The following SLC36A2 variants were observed in gnomAD, a reference collection of about 807,000 sequenced individuals.
SLC36A2 encodes the protein solute carrier family 36 member 2.
In SLC36A2, 39 loss-of-function variants were observed where a neutral mutation model predicts 42.7. That is an observed-to-expected ratio of 0.91 (90% CI 0.71 to 1.19). The LOEUF (loss-of-function observed/expected upper bound fraction) is 1.19. SLC36A2 is among the 50% of genes most tolerant of loss of function. The pLI, the probability that SLC36A2 is intolerant of heterozygous loss-of-function variation, is 0.00. For synonymous variants in SLC36A2, 237 were observed against 240.8 expected, an observed-to-expected ratio of 0.98 and a Z score of 0.15; for missense variants, 590 against 613.7, an observed-to-expected ratio of 0.96 and a Z score of 0.41.
In SLC36A2 at chr5:151,316,998, G is replaced by A. The variant is rs370237268; in HGVS notation, c.1271C>T (p.Pro424Leu). 336 of 1,614,062 alleles carry A rather than the reference G, an allele frequency of 2.1e-4. No homozygotes were observed. The highest frequency in any genetic ancestry group is 9.6e-4 in the East Asian group (43 of 44,848). The stretch of plus-strand genomic sequence containing the variant: ...GTAGAACGTGGTGACCTCCAGGAGC[G>A]GTGGGATGATGAGGGCCAGGGCGGT... ...SGTALALIIP[P>L]LLEVTTFYSE... Residue 424 changes from proline to leucine, a missense_variant, in exon 10 of 10, where the codon CCG (proline) becomes CTG (leucine). Pro to Leu is a moderately conservative substitution (Grantham distance 98, BLOSUM62 -3). Transcript: ENST00000335244.
At chr5:151,336,125 A>G (rs747943974) in intron 5 of SLC36A2, among the ~76,000 whole-genome samples, 1 of 152,172 alleles carries the variant, frequency 6.6e-6, no homozygotes, top group East Asian at 1.9e-4. Flanking sequence ...CCTGATACCA[A>G]TTTGATTTTG....
intron 6 of SLC36A2, among the ~76,000 whole-genome samples, chr5:151,334,459 G>A (rs1460918991): frequency 6.6e-6 from 1 of 151,992 alleles, no homozygotes; most frequent in Non-Finnish European, 1.5e-5. Context: ...GGGGGGCCAA[G>A]GCGGGGGGAT....
intron 6 of SLC36A2, among the ~76,000 whole-genome samples, chr5:151,334,110 CAG>C (rs1756078832): frequency 2.0e-5 from 3 of 152,114 alleles, no homozygotes; most frequent in Admixed American, 2.0e-4. Flanking sequence ...AAAATGATGA[CAG>C]AGCCATTTTT....
chr5:151,335,461 G>T lies in SLC36A2; in HGVS notation c.612C>A (p.Tyr204Ter). 1 of 1,614,162 alleles carries T rather than the reference G, an allele frequency of 6.2e-7. No individual in the cohort carries two copies. Among genetic ancestry groups the T allele is most frequent in the Non-Finnish European group, 8.5e-7 (1 of 1,179,998 alleles). Residue 204 changes from tyrosine (Y) to a stop codon, truncating the protein, a stop_gained, in exon 6 of 10, where the codon TAC becomes TAA. Transcript: ENST00000335244. LOFTEE classifies it high-confidence loss of function. ...CCAGGAAGGGCAGGAAGGAGAGCAT[G>T]TAGAGTCGCGAGTCCATGGTGGGGG... ...ILTPTMDSRL[Y>*]MLSFLPFLVL...
chr5:151,344,041 T>C (rs1193472289), intron 2 of SLC36A2, 136 bp downstream of exon 2: 12 of 803,918 alleles, frequency 1.5e-5, no homozygotes, highest in Non-Finnish European at 2.3e-5. Flanking sequence ...CCAGGCTAGA[T>C]GTCTAGACCC....
chr5:151,318,443 A>G (rs1429364535), intron 9 of SLC36A2, among the ~76,000 whole-genome samples: 4 of 146,050 alleles, frequency 2.7e-5, no homozygotes, highest in South Asian at 2.1e-4. Flanking sequence ...TAAATAATAC[A>G]AATTTATTAT....
rs111787238 is a variant in SLC36A2, at chr5:151,343,413, A to G, written c.344+97T>C. On this transcript the variant is annotated intron_variant, in intron 3 of 9. Transcript: ENST00000335244. ...CTCTTTCTTGGCCTTATTGGAGAAA[A>G]CTAAGAAGTAAATTTCTATTATGCA... The G allele has an allele frequency of 4.7e-3, 6,066 of 1,280,956 alleles. 18 individuals carry two copies. The highest frequency in any genetic ancestry group is 8.3e-3 in the Middle Eastern group (45 of 5,436). 79.3% of individuals were successfully genotyped at this position (1,280,956 alleles called of 1,614,324 possible).
rs1755726731 is a variant in SLC36A2, at chr5:151,322,613, ACT to A, written c.1011-400_1011-399del. Among the ~76,000 whole-genome samples, 7 of 152,180 alleles carry A rather than the reference ACT, an allele frequency of 4.6e-5. No individual in the cohort carries two copies. The South Asian group carries it at 1.2e-3, about 27-fold the overall frequency. On this transcript the variant is annotated intron_variant, in intron 8 of 9. Coordinates refer to ENST00000335244, the MANE Select transcript of SLC36A2 (RefSeq NM_181776.3). ...AGACCAAAAGCCCTGGATCTAAAAG[ACT>A]CTAGTCCTTTGTGATCAGTCCTTAG...
intron 4 of SLC36A2, among the ~76,000 whole-genome samples, chr5:151,339,421 T>TG (rs1047144438): frequency 4.6e-5 from 7 of 152,022 alleles, no homozygotes; most frequent in Non-Finnish European, 1.0e-4. Context: ...TTCAAATGAT[T>TG]GGCCTCAGCC....
At chr5:151,318,810 C>A (rs1485927872) in intron 9 of SLC36A2, among the ~76,000 whole-genome samples, 4 of 151,784 alleles carry the variant, frequency 2.6e-5, no homozygotes, top group African/African-American at 9.7e-5. Context: ...TCAGAAAACC[C>A]CTAACAAAGA....
In SLC36A2 at chr5:151,338,702, A is replaced by G. The variant is rs574843381; in HGVS notation, c.525+358T>C. On this transcript the variant is annotated intron_variant, in intron 5 of 9. Transcript: ENST00000335244. ...AAAAGAAAAAAAAAAAGAAAGAAAG[A>G]TGACCTAAAGAAGACTAGGAATCAT... 1.3e-3 allele frequency: 270 copies of G among 203,958 alleles called. 2 individuals carry two copies. The highest frequency in any genetic ancestry group is 2.3e-3 in the Middle Eastern group (1 of 440). 12.6% of individuals were successfully genotyped at this position (203,958 alleles called of 1,614,324 possible).
intron 4 of SLC36A2, among the ~76,000 whole-genome samples, chr5:151,339,967 A>G (rs183353967): frequency 4.4e-4 from 67 of 152,316 alleles, no homozygotes; most frequent in Admixed American, 9.8e-4. Flanking sequence ...ATGGGCAGAC[A>G]GAAAGCCTTG....
chr5:151,327,462 C>T (rs1354365962), intron 7 of SLC36A2, among the ~76,000 whole-genome samples: 1 of 152,178 alleles, frequency 6.6e-6, no homozygotes, highest in Non-Finnish European at 1.5e-5. Flanking sequence ...TACATGCAAA[C>T]TTCCAGCCCT....
intron 9 of SLC36A2, 167 bp downstream of exon 9, chr5:151,321,879 T>C (rs1003354790): frequency 2.6e-5 from 19 of 739,428 alleles, no homozygotes; most frequent in Admixed American, 2.1e-4. Context: ...GGTTTCACCA[T>C]TTTGGCCAGG....
chr5:151,327,158 G>A (rs920848093), intron 7 of SLC36A2, among the ~76,000 whole-genome samples: 2 of 152,068 alleles, frequency 1.3e-5, no homozygotes, highest in African/African-American at 2.4e-5. Flanking sequence ...CACCATAATG[G>A]CACAGTTAAG....
chr5:151,347,300 A>G lies in SLC36A2; in HGVS notation c.161T>C (p.Ile54Thr). Reference protein sequence around the residue: ...ESAGLKKTKGITVFQALIHLV... With the variant: ...ESAGLKKTKGTTVFQALIHLV... Reference sequence around the variant, plus strand: ...GATGGCAGAAAACAGCACTCACGTTATGCCCTTGGTCTTCTTCAAGCCTGC... The same window carrying G: ...GATGGCAGAAAACAGCACTCACGTTGTGCCCTTGGTCTTCTTCAAGCCTGC... Residue 54 changes from isoleucine (I) to threonine (T), a missense_variant, in exon 1 of 10, where the codon ATA (isoleucine) becomes ACA (threonine). Physicochemically the swap from Ile to Thr is moderately conservative, Grantham distance 89 (BLOSUM62 -1). Transcript: ENST00000335244. The G allele has an allele frequency of 6.2e-7, 1 of 1,614,186 alleles. No homozygotes were observed. Among genetic ancestry groups the G allele is most frequent in the Non-Finnish European group, 8.5e-7 (1 of 1,180,022 alleles).
chr5:151,327,853 T>G (rs1755895073), intron 7 of SLC36A2, among the ~76,000 whole-genome samples: 1 of 152,160 alleles, frequency 6.6e-6, no homozygotes, highest in Non-Finnish European at 1.5e-5. Flanking sequence ...GTACTAGGTT[T>G]TATTCACATC....
chr5:151,336,949 A>G (rs1561659141), intron 5 of SLC36A2, among the ~76,000 whole-genome samples: 2 of 152,204 alleles, frequency 1.3e-5, no homozygotes, highest in South Asian at 4.1e-4. Flanking sequence ...TACATATATT[A>G]TACACATTCT....
chr5:151,317,130 T>G, intron 9 of SLC36A2, 42 bp from the exon 10 acceptor site: 1 of 1,605,130 alleles, frequency 6.2e-7, no homozygotes, highest in Non-Finnish European at 8.5e-7. Context: ...ATTCCAGGCT[T>G]AGCCAAGCTT....
Sources: gnomAD v4.1 joint callset for allele counts (sites outside exome capture counted in the v4.1 genomes callset) on GRCh38, gnomAD v4.1.1 for gene constraint, MANE v1.5 for transcripts, NCBI Gene and HGNC (gene_info 2026-07-23, HGNC 2026-07-21) for gene names.